KLHL7: variants seen among roughly 807,000 people sequenced by gnomAD.
KLHL7 encodes kelch like family member 7.
A neutral mutation model predicts 67.4 loss-of-function variants in KLHL7; 44 were observed. The observed-to-expected ratio is 0.65, with a 90% CI of 0.51 to 0.84. The LOEUF (loss-of-function observed/expected upper bound fraction) is 0.84. KLHL7 is among the 40% of genes least tolerant of loss of function. The pLI is 0.00. For synonymous variants in KLHL7, 252 were observed against 243.3 expected, an observed-to-expected ratio of 1.04 and a Z score of -0.33; for missense variants, 362 against 718.1, an observed-to-expected ratio of 0.50 and a Z score of 5.67.
intron 7 of KLHL7, among the ~76,000 whole-genome samples, chr7:23,163,268 T>C (rs1404065505): frequency 6.6e-6 from 1 of 152,070 alleles, no homozygotes; most frequent in Admixed American, 6.5e-5. Flanking sequence ...CCTCCCAGGT[T>C]CAAGCAACTC....
chr7:23,175,511 A>C lies in KLHL7; in HGVS notation c.*1213A>C, dbSNP rs1042192613. On this transcript the variant is annotated 3_prime_UTR_variant, in exon 11 of 11. Coordinates refer to ENST00000339077, the MANE Select transcript of KLHL7 (RefSeq NM_001031710.3). ...TGTCTCTTAATTTTCAGTTTTCTTT[A>C]TATAGAGGTTATAATAGTCTTAAAC... 15 of 367,724 alleles carry C rather than the reference A, an allele frequency of 4.1e-5. No homozygotes were observed. The highest frequency in any genetic ancestry group is 9.5e-4 in the Middle Eastern group (1 of 1,056). The allele number at this position is 367,724 out of a possible 1,614,324, so 22.8% of individuals were successfully genotyped here.
Position 23,125,103 on chromosome 7 carries a change from C to T in KLHL7, c.373C>T (p.Gln125Ter). 1 of 1,612,094 alleles carries T rather than the reference C, an allele frequency of 6.2e-7. No individual in the cohort carries two copies. Among genetic ancestry groups the T allele is most frequent in the Non-Finnish European group, 8.5e-7 (1 of 1,178,298 alleles). ...TTTGCTGGATGCAGCAAACCAATATCAGATTGAACCTGTGAAGAAAATGTG... is the reference window on the plus strand; with the variant it reads ...TTTGCTGGATGCAGCAAACCAATATTAGATTGAACCTGTGAAGAAAATGTG... ...QSLLDAANQY[Q>*]IEPVKKMCVD... is the part of the protein sequence containing the mutation. The change falls in exon 4 of 11, where the codon CAG becomes TAG. Residue 125 changes from glutamine to a stop codon, truncating the protein, a stop_gained. Coordinates refer to ENST00000339077, the MANE Select transcript of KLHL7 (RefSeq NM_001031710.3). LOFTEE classifies it high-confidence loss of function.
intron 4 of KLHL7, among the ~76,000 whole-genome samples, chr7:23,126,618 C>T (rs1783583246): frequency 6.6e-6 from 1 of 152,150 alleles, no homozygotes; most frequent in African/African-American, 2.4e-5. Context: ...TTTGGCAAGT[C>T]TCCTCTGTCC....
intron 4 of KLHL7, among the ~76,000 whole-genome samples, chr7:23,130,635 T>A (rs979677956): frequency 2.0e-5 from 3 of 152,226 alleles, no homozygotes; most frequent in Admixed American, 6.5e-5. Context: ...CACAGTTGAA[T>A]GAATTTTCAA....
Position 23,155,070 on chromosome 7 carries a change from C to G in KLHL7, c.936+2861C>G, listed in dbSNP as rs528742198. 2.0e-5 allele frequency among the ~76,000 whole-genome samples: 3 copies of G among 152,330 alleles called. No homozygotes were observed. In the South Asian group the frequency reaches 6.2e-4, roughly 32 times the overall value. On this transcript the variant is annotated intron_variant, in intron 7 of 10. Coordinates refer to ENST00000339077, the MANE Select transcript of KLHL7 (RefSeq NM_001031710.3). Reference sequence around the variant, plus strand: ...TTTGTTAATCACCATCATATTTGGACTGTCCCTATTGGCCCGCTCTTGGCT... The same window carrying G: ...TTTGTTAATCACCATCATATTTGGAGTGTCCCTATTGGCCCGCTCTTGGCT...
At chr7:23,147,669 G>T (rs1784401104) in intron 6 of KLHL7, among the ~76,000 whole-genome samples, 1 of 152,120 alleles carries the variant, frequency 6.6e-6, no homozygotes, top group South Asian at 2.1e-4. Context: ...TCTCTGGCAG[G>T]TCTTCTCTCT....
In KLHL7 at chr7:23,154,317, G is replaced by A. The variant is rs551790613; in HGVS notation, c.936+2108G>A. 3.9e-5 allele frequency among the ~76,000 whole-genome samples: 6 copies of A among 152,084 alleles called. No individual in the cohort carries two copies. In the East Asian group the frequency reaches 5.8e-4, roughly 15 times the overall value. On this transcript the variant is annotated intron_variant, in intron 7 of 10. Coordinates refer to ENST00000339077, the MANE Select transcript of KLHL7 (RefSeq NM_001031710.3). The stretch of plus-strand genomic sequence containing the variant: ...TTGCAGTGAGCTGAGATCACGCCAC[G>A]GCACTCCAGCCTGGGCAACAGAGTG...
At chr7:23,151,698 G>A (rs1784542593) in intron 6 of KLHL7, among the ~76,000 whole-genome samples, 1 of 152,146 alleles carries the variant, frequency 6.6e-6, no homozygotes, top group Non-Finnish European at 1.5e-5. Context: ...GGTATCAATA[G>A]TTTCAGAGAT....
chr7:23,141,059 T>C (rs1208019940), intron 5 of KLHL7, 115 bp downstream of exon 5: 1 of 931,454 alleles, frequency 1.1e-6, no homozygotes, highest in East Asian at 2.5e-5. Context: ...GAATATGTTC[T>C]TTACACTAAA....
Position 23,124,755 on chromosome 7 carries a change from A to G in KLHL7, c.291A>G (p.Gln97=), listed in dbSNP as rs768067507. The G allele has an allele frequency of 2.5e-6, 4 of 1,610,166 alleles. No homozygotes were observed. Among genetic ancestry groups the G allele is most frequent in the Middle Eastern group, 1.6e-4 (1 of 6,070 alleles). The part of the protein sequence containing the change: ...LKDAEPDIIE[Q]LVEFAYTARI... ...ATGCTGAACCTGATATTATTGAACA[A>G]CTGGTGGAATTTGCTTATACTGCTA... is the stretch of plus-strand genomic sequence containing the variant. The change falls in exon 3 of 11, where the codon CAA becomes CAG. Residue 97 remains glutamine (Q), a synonymous_variant. Coordinates refer to ENST00000339077, the MANE Select transcript of KLHL7 (RefSeq NM_001031710.3).
At chr7:23,125,684 A>G (rs913776994) in intron 4 of KLHL7, 22 of 1,407,724 alleles carry the variant, frequency 1.6e-5, no homozygotes, top group Non-Finnish European at 2.0e-5. Flanking sequence ...ACCTTAGTCT[A>G]TAAATTAAGA....
intron 7 of KLHL7, among the ~76,000 whole-genome samples, chr7:23,157,605 A>AGAAATACT (rs58236990): frequency 4.0e-5 from 6 of 151,840 alleles, no homozygotes; most frequent in Non-Finnish European, 5.9e-5. Flanking sequence ...CTTCCAAAAT[A>AGAAATACT]GAGAGTCTCA....
At chr7:23,148,295 T>A (rs1784421456) in intron 6 of KLHL7, among the ~76,000 whole-genome samples, 1 of 151,382 alleles carries the variant, frequency 6.6e-6, no homozygotes, top group African/African-American at 2.4e-5. Flanking sequence ...AAAGACTAAG[T>A]GTGTTTGAAC....
intron 4 of KLHL7, among the ~76,000 whole-genome samples, chr7:23,137,942 T>G (rs1286368113): frequency 1.3e-5 from 2 of 149,886 alleles, no homozygotes; most frequent in African/African-American, 4.9e-5. Context: ...TTTGGGAGGC[T>G]GAGCGGGCGG....
chr7:23,172,014 T>C (rs1785179044), intron 9 of KLHL7: 1 of 360,390 alleles, frequency 2.8e-6, no homozygotes, highest in Non-Finnish European at 5.5e-6. Context: ...CGGCCGGCCA[T>C]CAAATTATTT....
At chr7:23,127,717 A>G (rs1783627097) in intron 4 of KLHL7, among the ~76,000 whole-genome samples, 1 of 151,860 alleles carries the variant, frequency 6.6e-6, no homozygotes, top group Non-Finnish European at 1.5e-5. Flanking sequence ...AAAATACAAA[A>G]ATTAGCCGAG....
intron 1 of KLHL7, among the ~76,000 whole-genome samples, chr7:23,122,797 C>G (rs919751641): frequency 6.6e-6 from 1 of 151,988 alleles, no homozygotes; most frequent in South Asian, 2.1e-4. Flanking sequence ...TTAAAATTTG[C>G]AAAATGCAAA....
At chr7:23,115,326 T>A (rs929594799) in intron 1 of KLHL7, among the ~76,000 whole-genome samples, 1 of 152,136 alleles carries the variant, frequency 6.6e-6, no homozygotes, top group African/African-American at 2.4e-5. Flanking sequence ...GAATATAAAC[T>A]TTGGTTTCTG....
intron 1 of KLHL7, chr7:23,117,937 C>G: frequency 1.9e-6 from 3 of 1,614,110 alleles, no homozygotes; most frequent in Non-Finnish European, 2.5e-6. Flanking sequence ...ATTGCAGAAC[C>G]TTCTTGACAA....
Sources: gnomAD v4.1 joint callset for allele counts (sites outside exome capture counted in the v4.1 genomes callset) on GRCh38, gnomAD v4.1.1 for gene constraint, MANE v1.5 for transcripts, NCBI Gene and HGNC (gene_info 2026-07-23, HGNC 2026-07-21) for gene names.